The following RLN2 variants were observed in gnomAD, a reference collection of about 807,000 sequenced individuals.
RLN2 encodes prorelaxin H2.
A neutral mutation model predicts 7.3 loss-of-function variants in RLN2; 10 were observed. The ratio of observed to expected loss-of-function variants is 1.36; its 90% CI spans 0.84 to 2.31. RLN2 has a LOEUF of 2.31. Among genes scored for constraint, RLN2 ranks in the 30% most tolerant of loss-of-function variants. The pLI, the probability that RLN2 is intolerant of heterozygous loss-of-function variation, is 0.00. For synonymous variants in RLN2, 103 were observed against 82.3 expected (o/e 1.25, Z -1.36); for missense variants, 298 against 217.6 (o/e 1.37, Z -2.32).
the RLN2 span, among the ~76,000 whole-genome samples, chr9:5,323,912 T>C: frequency 6.6e-6 from 1 of 151,710 alleles, no homozygotes; most frequent in African/African-American, 2.4e-5. Flanking sequence ...GCCAGGTGTG[T>C]TGATATGTGC....
chr9:5,332,638 G>A, the RLN2 span, among the ~76,000 whole-genome samples: 1 of 147,488 alleles, frequency 6.8e-6, no homozygotes, highest in Non-Finnish European at 1.5e-5. Flanking sequence ...TTTTTTTAAT[G>A]TGATACAGTG....
the RLN2 span, among the ~76,000 whole-genome samples, chr9:5,316,077 G>A: frequency 6.6e-6 from 1 of 151,948 alleles, no homozygotes; most frequent in African/African-American, 2.4e-5. Flanking sequence ...ATGGTTCTCT[G>A]TTAAGTCATG....
At chr9:5,331,824 CAAAG>C in the RLN2 span, among the ~76,000 whole-genome samples, 8 of 151,768 alleles carry the variant, frequency 5.3e-5, no homozygotes, top group African/African-American at 1.2e-4. Flanking sequence ...AATAAACAAA[CAAAG>C]AAAAATAAAT....
chr9:5,311,254 T>A, the RLN2 span, among the ~76,000 whole-genome samples: 1 of 151,776 alleles, frequency 6.6e-6, no homozygotes, highest in Non-Finnish European at 1.5e-5. Flanking sequence ...ATTTCACATG[T>A]ACAAGATGAG....
chr9:5,301,500 T>C (rs1172586579), intron 1 of RLN2, among the ~76,000 whole-genome samples: 1 of 152,254 alleles, frequency 6.6e-6, no homozygotes, highest in African/African-American at 2.4e-5. Context: ...TTAATAGTTT[T>C]ATTTCACAAA....
At chr9:5,315,385 T>C in the RLN2 span, among the ~76,000 whole-genome samples, 1 of 151,074 alleles carries the variant, frequency 6.6e-6, no homozygotes, top group Non-Finnish European at 1.5e-5. Context: ...AAGATAGGTC[T>C]TATGAAATTA....
the RLN2 span, among the ~76,000 whole-genome samples, chr9:5,336,599 C>T: frequency 2.6e-5 from 4 of 152,046 alleles, no homozygotes; most frequent in African/African-American, 9.7e-5. Flanking sequence ...AAAAAACTTA[C>T]AGTGAGCTAA....
At chr9:5,300,582 C>T (rs1421281514) in intron 1 of RLN2, 138 bp from the exon 2 acceptor site, 2 of 630,508 alleles carry the variant, frequency 3.2e-6, no homozygotes, top group Non-Finnish European at 5.4e-6. Context: ...AAGCAAGCAT[C>T]CTAATATCTA....
upstream of RLN2, among the ~76,000 whole-genome samples, chr9:5,308,809 A>C (rs550912219): frequency 1.5e-4 from 23 of 152,208 alleles, no homozygotes; most frequent in South Asian, 4.8e-3. Flanking sequence ...GTTCCTGCTT[A>C]TTCCTGAATA....
At chr9:5,319,440 T>G in the RLN2 span, among the ~76,000 whole-genome samples, 1 of 151,998 alleles carries the variant, frequency 6.6e-6, no homozygotes, top group African/African-American at 2.4e-5. Flanking sequence ...GGATTTTTTA[T>G]GAGAAGTTTT....
the RLN2 span, among the ~76,000 whole-genome samples, chr9:5,315,839 C>T: frequency 6.6e-6 from 1 of 152,006 alleles, no homozygotes; most frequent in Non-Finnish European, 1.5e-5. Context: ...GAATACTATA[C>T]TCAACAAAGC....
chr9:5,327,521 G>A, the RLN2 span, among the ~76,000 whole-genome samples: 45 of 152,148 alleles, frequency 3.0e-4, no homozygotes, highest in East Asian at 8.1e-3. Flanking sequence ...AGACTTAAAC[G>A]TCCCTGTCTG....
At chr9:5,304,096 G>C (rs1450994473) in intron 1 of RLN2, 2 of 288,534 alleles carry the variant, frequency 6.9e-6, no homozygotes, top group Non-Finnish European at 6.0e-6. Context: ...ACTGCCTTAC[G>C]GAAAGGGCAC....
At chr9:5,325,706 G>GAGGAAATTGT in the RLN2 span, among the ~76,000 whole-genome samples, 5 of 152,018 alleles carry the variant, frequency 3.3e-5, no homozygotes, top group African/African-American at 1.2e-4. Context: ...TCGGTTTGAT[G>GAGGAAATTGT]TAAATTTGTT....
the RLN2 span, among the ~76,000 whole-genome samples, chr9:5,325,698 G>A: frequency 6.6e-6 from 1 of 152,062 alleles, no homozygotes; most frequent in Non-Finnish European, 1.5e-5. Flanking sequence ...TATTCACTTC[G>A]GTTTGATGTA....
chr9:5,332,107 A>G, the RLN2 span, among the ~76,000 whole-genome samples: 3 of 152,082 alleles, frequency 2.0e-5, no homozygotes, highest in Non-Finnish European at 2.9e-5. Flanking sequence ...TATTAAGTCA[A>G]TTAAAAAAAC....
At chr9:5,329,507 G>A in the RLN2 span, among the ~76,000 whole-genome samples, 2 of 151,050 alleles carry the variant, frequency 1.3e-5, no homozygotes, top group Admixed American at 1.3e-4. Context: ...GTATTCAGGA[G>A]ACCCATCTCA....
the RLN2 span, among the ~76,000 whole-genome samples, chr9:5,329,060 T>C: frequency 0.27 from 40,728 of 151,358 alleles, 6,003 homozygotes; most frequent in East Asian, 0.44. Context: ...TCCCAACACT[T>C]TGGGAGGCCG....
chr9:5,306,756 A>T (rs945244709), upstream of RLN2, among the ~76,000 whole-genome samples: 4 of 151,992 alleles, frequency 2.6e-5, no homozygotes, highest in African/African-American at 9.7e-5. Flanking sequence ...TATATCCTAG[A>T]TCCAGTTCCA....
Sources: gnomAD v4.1 joint callset for allele counts (sites outside exome capture counted in the v4.1 genomes callset) on GRCh38, gnomAD v4.1.1 for gene constraint, MANE v1.5 for transcripts, NCBI Gene and HGNC (gene_info 2026-07-23, HGNC 2026-07-21) for gene names.